Variants in NSD1 observed in about 807,000 individuals in gnomAD.
The protein encoded by NSD1 is nuclear receptor binding SET domain protein 1, also known as histone-lysine N-methyltransferase, H3 lysine-36 specific.
A neutral mutation model predicts 242.7 loss-of-function variants in NSD1; 26 were observed. That is an observed-to-expected ratio of 0.11 (90% CI 0.08 to 0.15). The LOEUF is 0.15. Ranked by LOEUF, NSD1 falls within the 10% of genes least tolerant of loss-of-function variation. The pLI is 1.00. For synonymous variants in NSD1, 1,106 were observed against 1,178.1 expected (o/e 0.94, Z 1.25); for missense variants, 2,495 against 3,272.8 (o/e 0.76, Z 5.80).
At chr5:177,194,351 CA>C (rs1761929678) in intron 3 of NSD1, among the ~76,000 whole-genome samples, 1 of 151,790 alleles carries the variant, frequency 6.6e-6, no homozygotes, top group Non-Finnish European at 1.5e-5. Flanking sequence ...CCTTGATCTC[CA>C]GGGCTCAAAC....
intron 2 of NSD1, among the ~76,000 whole-genome samples, chr5:177,188,544 C>A: frequency 6.6e-6 from 1 of 152,068 alleles, no homozygotes; most frequent in South Asian, 2.1e-4. Context: ...TTCTCAATGG[C>A]CTTGTTATTT....
intron 20 of NSD1, among the ~76,000 whole-genome samples, chr5:177,285,626 G>T (rs1759262566): frequency 6.7e-6 from 1 of 148,588 alleles, no homozygotes. Flanking sequence ...GTACAAGAAA[G>T]TTATGATTTT....
chr5:177,225,544 C>CTTAT (rs138613531), intron 5 of NSD1, among the ~76,000 whole-genome samples: 1,841 of 152,152 alleles, frequency 0.012, 20 homozygotes, highest in Non-Finnish European at 0.02. Context: ...TGTGGCCTTT[C>CTTAT]TTATTTATTT....
chr5:177,216,213 T>C (rs2149856311), intron 5 of NSD1, among the ~76,000 whole-genome samples: 1 of 152,346 alleles, frequency 6.6e-6, no homozygotes, highest in South Asian at 2.1e-4. Context: ...GTATAAGAGT[T>C]ATTCATATAT....
In NSD1 at chr5:177,295,875, G is replaced by A; in HGVS notation, c.*416G>A. 2.6e-6 allele frequency: 1 copy of A among 379,132 alleles called. No individual in the cohort carries two copies. The highest frequency in any genetic ancestry group is 4.9e-6 in the Non-Finnish European group (1 of 203,740). 23.5% of individuals were successfully genotyped at this position (379,132 alleles called of 1,614,324 possible). ...ACCTAGGAACCCTTGGGAGGAAATG[G>A]TGTTCTTTCAAATCAGTGGCGATTT... On this transcript the variant is annotated 3_prime_UTR_variant, in exon 23 of 23. Coordinates refer to ENST00000439151, the MANE Select transcript of NSD1 (RefSeq NM_022455.5). This position sits in a 1 kb window ranked among gnomAD's most constrained non-coding sequence, Gnocchi z 4.3.
At chr5:177,232,429 A>C (rs1301281706) in intron 5 of NSD1, among the ~76,000 whole-genome samples, 1 of 152,232 alleles carries the variant, frequency 6.6e-6, no homozygotes, top group African/African-American at 2.4e-5. Flanking sequence ...TTGAATATTG[A>C]CATAATACCA....
intron 8 of NSD1, among the ~76,000 whole-genome samples, chr5:177,240,332 A>T (rs1765755237): frequency 1.3e-5 from 2 of 151,818 alleles, no homozygotes; most frequent in Non-Finnish European, 2.9e-5. Flanking sequence ...CAGGCTCACC[A>T]GTTAATTTTT....
At chr5:177,182,795 G>A (rs943152340) in intron 2 of NSD1, among the ~76,000 whole-genome samples, 2 of 151,954 alleles carry the variant, frequency 1.3e-5, no homozygotes, top group African/African-American at 2.4e-5. Context: ...CTGCCATTAC[G>A]CCTGGCTAAT....
In NSD1 at chr5:177,209,842, T is replaced by C. The variant is rs758974911; in HGVS notation, c.1443T>C (p.Phe481=). The C allele has an allele frequency of 7.4e-6, 12 of 1,614,090 alleles. No individual in the cohort carries two copies. The highest frequency in any genetic ancestry group is 1.0e-5 in the Non-Finnish European group (12 of 1,180,046). The part of the protein sequence containing the change: ...LLNGCLKSLA[F]DSEHSADEKE... Reference sequence around the variant, plus strand: ...ATGGCTGTTTGAAATCACTGGCTTTTGATTCTGAACATTCTGCAGATGAGA... The same window carrying C: ...ATGGCTGTTTGAAATCACTGGCTTTCGATTCTGAACATTCTGCAGATGAGA... The change falls in exon 5 of 23, where the codon TTT becomes TTC. Residue 481 remains phenylalanine (F), a synonymous_variant. Transcript: ENST00000439151.
chr5:177,185,724 A>G (rs1462165218), intron 2 of NSD1, among the ~76,000 whole-genome samples: 1 of 108,130 alleles, frequency 9.2e-6, no homozygotes, highest in East Asian at 2.6e-4. Context: ...TATATATTAT[A>G]TATTATATAT....
At chr5:177,264,594 A>G (rs115159601) in intron 14 of NSD1, among the ~76,000 whole-genome samples, 2,780 of 152,320 alleles carry the variant, frequency 0.018, 33 homozygotes, top group Non-Finnish European at 0.028. Context: ...TCACTATACA[A>G]TACAGACAAA....
chr5:177,225,675 A>G (rs951121940), intron 5 of NSD1, among the ~76,000 whole-genome samples: 1 of 152,210 alleles, frequency 6.6e-6, no homozygotes, highest in Non-Finnish European at 1.5e-5. Flanking sequence ...ATTAATGTAC[A>G]TGTGAATATT....
intron 11 of NSD1, among the ~76,000 whole-genome samples, chr5:177,248,908 G>C (rs1041416431): frequency 2.0e-5 from 3 of 152,150 alleles, no homozygotes; most frequent in African/African-American, 7.2e-5. Flanking sequence ...AGGATAAATA[G>C]CTTGTTTATA....
At chr5:177,273,532 C>G (rs1471528446) in intron 16 of NSD1, 140 bp from the exon 17 acceptor site, 5 of 677,302 alleles carry the variant, frequency 7.4e-6, no homozygotes, top group Non-Finnish European at 1.3e-5. Context: ...TATGTGTTTT[C>G]TTTTTCATAT....
intron 5 of NSD1, among the ~76,000 whole-genome samples, chr5:177,234,628 A>AT (rs1245753982): frequency 6.6e-6 from 1 of 152,158 alleles, no homozygotes; most frequent in Non-Finnish European, 1.5e-5. Flanking sequence ...AGGCAGTAGA[A>AT]TCGCTTGATC....
chr5:177,142,213 A>G (rs1210116212), intron 2 of NSD1, among the ~76,000 whole-genome samples: 1 of 152,178 alleles, frequency 6.6e-6, no homozygotes, highest in East Asian at 1.9e-4. Context: ...TCATTATCCT[A>G]TTCATCTCAA....
At chr5:177,258,135 C>CATGCCTCGCTAATTTTGTATTTTT (rs1756680689) in intron 13 of NSD1, among the ~76,000 whole-genome samples, 1 of 151,668 alleles carries the variant, frequency 6.6e-6, no homozygotes, top group Non-Finnish European at 1.5e-5. Flanking sequence ...CATGAGCCAC[C>CATGCCTCGCTAATTTTGTATTTTT]ATGCCTCGCT....
intron 20 of NSD1, among the ~76,000 whole-genome samples, chr5:177,285,653 A>G (rs1242298857): frequency 1.3e-5 from 2 of 151,980 alleles, no homozygotes; most frequent in East Asian, 3.8e-4. Flanking sequence ...GTAGTTTTGC[A>G]AGGATATGAG....
intron 5 of NSD1, chr5:177,229,746 A>T (rs541924338): frequency 2.4e-6 from 1 of 411,984 alleles, no homozygotes; most frequent in South Asian, 1.7e-5. Context: ...CTTTTTATGT[A>T]TTTTTTTATT....
Sources: gnomAD v4.1 joint callset for allele counts (sites outside exome capture counted in the v4.1 genomes callset) on GRCh38, gnomAD v4.1.1 for gene constraint, Gnocchi (gnomAD v3.1) non-coding constraint, MANE v1.5 for transcripts, NCBI Gene and HGNC (gene_info 2026-07-23, HGNC 2026-07-21) for gene names.